Variants in TMEM185A observed in about 807,000 individuals in gnomAD.
TMEM185A encodes the protein transmembrane protein 185A.
In TMEM185A, 9 loss-of-function variants were observed where a neutral mutation model predicts 25.0. That is an observed-to-expected ratio of 0.36 (90% CI 0.22 to 0.63). The LOEUF is 0.63. Ranked by LOEUF, TMEM185A falls within the 20% of genes least tolerant of loss-of-function variation. TMEM185A has a pLI of 0.68. For synonymous variants in TMEM185A, 45 were observed against 93.5 expected (o/e 0.48, Z 2.99); for missense variants, 103 against 237.4 (o/e 0.43, Z 3.72).
In TMEM185A at chrX:149,608,812, CCA is replaced by C; in HGVS notation, c.236_237del (p.Val79GlyfsTer3). 1 of 1,211,137 alleles carries C rather than the reference CCA, an allele frequency of 8.3e-7. No individual in the cohort carries two copies. Among genetic ancestry groups the C allele is most frequent in the Non-Finnish European group, 1.1e-6 (1 of 895,132 alleles). On this transcript the variant is annotated frameshift_variant, in exon 3 of 7. Transcript: ENST00000600449. LOFTEE classifies it high-confidence loss of function. ...ACTGCAATCAACATGGCTTTAAACT[CCA>C]CACACGTTTCTCCTTCTGCTCTAAA... Reference protein sequence around the residue: ...PQYRAEGETCVEFKAMLIAVG... With the variant: ...PQYRAEGETCXEFKAMLIAVG...
chrX:149,618,587 G>A (rs912668047), intron 1 of TMEM185A, among the ~76,000 whole-genome samples: 12 of 111,401 alleles, frequency 1.1e-4, no homozygotes, highest in South Asian at 3.8e-4. Context: ...AAATTTTGAC[G>A]TTTAACTCTT....
chrX:149,608,588 C>T (rs1454038002), intron 3 of TMEM185A, 39 bp downstream of exon 3: 1 of 1,195,522 alleles, frequency 8.4e-7, no homozygotes, highest in African/African-American at 1.8e-5. Flanking sequence ...GCCTTGACCT[C>T]CCAAAGTGGA....
chrX:149,630,580 C>T (rs1377795960), intron 1 of TMEM185A, among the ~76,000 whole-genome samples: 1 of 112,213 alleles, frequency 8.9e-6, no homozygotes, highest in African/African-American at 3.2e-5. Context: ...GTTAGGCCAA[C>T]TCCTCATTTT....
intron 1 of TMEM185A, among the ~76,000 whole-genome samples, chrX:149,630,158 G>A (rs886761819): frequency 9.0e-6 from 1 of 111,722 alleles, no homozygotes. Context: ...TGCCTTCGAA[G>A]CCAACAATGA....
In TMEM185A at chrX:149,631,722, G is replaced by T; in HGVS notation, c.-142C>A. 1 of 465,976 alleles carries T rather than the reference G, an allele frequency of 2.1e-6. No individual in the cohort carries two copies. The highest frequency in any genetic ancestry group is 3.0e-6 in the Non-Finnish European group (1 of 331,931). The allele number at this position is 465,976 out of a possible 1,213,427, so 38.4% of individuals were successfully genotyped here. ...CGCTACTGCTGCCGTCCCCGCTGCC[G>T]TCGCCGTCGCCGTCGCCGCCGCCGC... On this transcript the variant is annotated 5_prime_UTR_variant, in exon 1 of 7. Coordinates refer to ENST00000600449, the MANE Select transcript of TMEM185A (RefSeq NM_032508.4).
In TMEM185A at chrX:149,618,248, T is replaced by G. The variant is rs1011862669; in HGVS notation, c.39-6785A>C. Among the ~76,000 whole-genome samples the G allele has an allele frequency of 4.5e-5, 5 of 111,739 alleles. No homozygotes were observed. In the East Asian group the frequency reaches 8.4e-4, roughly 19 times the overall value. On this transcript the variant is annotated intron_variant, in intron 1 of 6. Transcript: ENST00000600449. Reference sequence around the variant, plus strand: ...TTTTGCTTATGATATCTGAGTTTTCTGTAAGGTACGTGTACTGTTTTTGTA... The same window carrying G: ...TTTTGCTTATGATATCTGAGTTTTCGGTAAGGTACGTGTACTGTTTTTGTA...
chrX:149,614,772 T>C (rs1345109577), intron 1 of TMEM185A, among the ~76,000 whole-genome samples: 7 of 111,748 alleles, frequency 6.3e-5, no homozygotes, highest in Non-Finnish European at 1.1e-4. Flanking sequence ...ATCCTAATAA[T>C]ACTAAAGGGA....
At chrX:149,599,377 A>G (rs1243761754) in intron 6 of TMEM185A, among the ~76,000 whole-genome samples, 177 bp downstream of exon 6, 1 of 101,758 alleles carries the variant, frequency 9.8e-6, no homozygotes, top group Admixed American at 1.0e-4. Context: ...CACCAGAGTT[A>G]CGGCATGCCC....
intron 1 of TMEM185A, among the ~76,000 whole-genome samples, chrX:149,614,176 G>A (rs189963687): frequency 1.8e-5 from 2 of 111,267 alleles, no homozygotes; most frequent in East Asian, 2.8e-4. Flanking sequence ...TGAATTCTGG[G>A]CCATAAAACA....
intron 1 of TMEM185A, among the ~76,000 whole-genome samples, chrX:149,621,916 A>C (rs1438249444): frequency 8.9e-6 from 1 of 112,114 alleles, no homozygotes; most frequent in Non-Finnish European, 1.9e-5. Context: ...TGATGAGCAA[A>C]CTTAATTCCA....
At chrX:149,621,155 T>C (rs1435971127) in intron 1 of TMEM185A, among the ~76,000 whole-genome samples, 1 of 111,252 alleles carries the variant, frequency 9.0e-6, no homozygotes, top group Non-Finnish European at 1.9e-5. Context: ...ATATGTAAAT[T>C]AGATAACATG....
chrX:149,610,428 CAAAAAAAAAA>C lies in TMEM185A; in HGVS notation c.215+849_215+858del, dbSNP rs374846385. Among the ~76,000 whole-genome samples, 93 of 26,592 alleles carry C rather than the reference CAAAAAAAAAA, an allele frequency of 3.5e-3. 1 individual carries two copies. Among genetic ancestry groups the C allele is most frequent in the Middle Eastern group, 0.043 (1 of 23 alleles). 23.1% of individuals were successfully genotyped at this position (26,592 alleles called of 115,157 possible). ...GGGCAACAAGAGCGAAACTCTGTCT[CAAAAAAAAAA>C]AAAAAAAAAAAAAAAAAAAAGGTGC... On this transcript the variant is annotated intron_variant, in intron 2 of 6. Transcript: ENST00000600449.
Position 149,608,737 on chromosome X carries a change from T to A in TMEM185A, c.313A>T (p.Ile105Phe). ...AGCCAGAAATGGCTTCCTCTCTCGATTCTGTCACAGACCAGAACTTCAAAC... is the reference window on the plus strand; with the variant it reads ...AGCCAGAAATGGCTTCCTCTCTCGAATCTGTCACAGACCAGAACTTCAAAC... The part of the protein sequence containing the change: ...LMFEVLVCDR[I>F]ERGSHFWLLV... The change falls in exon 3 of 7, where the codon ATC (isoleucine) becomes TTC (phenylalanine). Residue 105 changes from isoleucine (I) to phenylalanine (F), a missense_variant. Physicochemically the swap from Ile to Phe is conservative, Grantham distance 21. Coordinates refer to ENST00000600449, the MANE Select transcript of TMEM185A (RefSeq NM_032508.4). 2 of 1,211,882 alleles carry A rather than the reference T, an allele frequency of 1.7e-6. No individual in the cohort carries two copies. The highest frequency in any genetic ancestry group is 2.2e-6 in the Non-Finnish European group (2 of 895,506).
intron 1 of TMEM185A, among the ~76,000 whole-genome samples, chrX:149,621,002 A>T (rs1324171132): frequency 8.9e-6 from 1 of 112,274 alleles, no homozygotes; most frequent in African/African-American, 3.2e-5. Context: ...AAAATCTAAA[A>T]AAATCAGAAC....
Position 149,631,516 on chromosome X carries a change from CCGGGGGCGCCAACGA to C in TMEM185A, c.38+12_38+26del, listed in dbSNP as rs1249937431. On this transcript the variant is annotated intron_variant, in intron 1 of 6. Transcript: ENST00000600449. ...GCGCCCGAGCCCGCAGCGCGGACTC[CCGGGGGCGCCAACGA>C]CGCCGCCTCACCTCGGGTTGAAGTC... 1 of 1,157,165 alleles carries C rather than the reference CCGGGGGCGCCAACGA, an allele frequency of 8.6e-7. No homozygotes were observed.
intron 1 of TMEM185A, among the ~76,000 whole-genome samples, chrX:149,625,657 A>T (rs1321875263): frequency 2.7e-5 from 3 of 112,455 alleles, no homozygotes; most frequent in Non-Finnish European, 3.8e-5. Flanking sequence ...TTAGTGAATA[A>T]GATGTGTGAT....
In TMEM185A at chrX:149,631,729, T is replaced by TCGCCGCCGCCGCCGCCGCCGCCGCCGC. The variant is rs1368795487; in HGVS notation, c.-150_-149insGCGGCGGCGGCGGCGGCGGCGGCGGCG. The TCGCCGCCGCCGCCGCCGCCGCCGCCGC allele has an allele frequency of 4.6e-6, 2 of 438,362 alleles. No individual in the cohort carries two copies. Among genetic ancestry groups the TCGCCGCCGCCGCCGCCGCCGCCGCCGC allele is most frequent in the Admixed American group, 8.4e-5 (1 of 11,975 alleles). 36.1% of individuals were successfully genotyped at this position (438,362 alleles called of 1,213,427 possible). A position where few individuals can be genotyped will look rare whatever the true frequency, so the allele number is the denominator to read the frequency against. ...GCTGCCGTCCCCGCTGCCGTCGCCGTCGCCGTCGCCGCCGCCGCCGCCGCC... is the reference window on the plus strand; with the variant it reads ...GCTGCCGTCCCCGCTGCCGTCGCCGTCGCCGCCGCCGCCGCCGCCGCCGCCGCCGCCGTCGCCGCCGCCGCCGCCGCC... On this transcript the variant is annotated 5_prime_UTR_variant, in exon 1 of 7. Coordinates refer to ENST00000600449, the MANE Select transcript of TMEM185A (RefSeq NM_032508.4).
At chrX:149,626,570 G>T (rs906363229) in intron 1 of TMEM185A, among the ~76,000 whole-genome samples, 1 of 112,101 alleles carries the variant, frequency 8.9e-6, no homozygotes, top group Admixed American at 9.4e-5. Flanking sequence ...CAGGTGGGAC[G>T]AGACTGAGAA....
intron 1 of TMEM185A, among the ~76,000 whole-genome samples, chrX:149,623,521 A>G (rs1382235668): frequency 2.7e-5 from 3 of 111,464 alleles, no homozygotes; most frequent in Non-Finnish European, 5.7e-5. Context: ...TAGAGTTACT[A>G]AAATACAATT....
Sources: allele counts gnomAD v4.1 joint callset (sites outside exome capture counted in the v4.1 genomes callset), GRCh38; gene constraint gnomAD v4.1.1; transcripts MANE v1.5; gene names NCBI Gene and HGNC (gene_info 2026-07-23, HGNC 2026-07-21).